CFAP54: variants seen among roughly 807,000 people sequenced by gnomAD.
CFAP54 encodes the protein cilia and flagella associated protein 54.
Under a neutral mutation model 370.4 loss-of-function variants are expected in CFAP54, and 290 were observed. The observed-to-expected ratio is 0.78, with a 90% CI of 0.71 to 0.86. The LOEUF (loss-of-function observed/expected upper bound fraction) is 0.86. CFAP54 is among the 40% of genes least tolerant of loss of function. The probability of loss-of-function intolerance (pLI) is 0.00; values close to 1 mark genes in which losing one functional copy is unlikely to be tolerated. For synonymous variants in CFAP54, 1,206 were observed against 1,236.5 expected, an observed-to-expected ratio of 0.98 and a Z score of 0.52; for missense variants, 3,399 against 3,528.7, an observed-to-expected ratio of 0.96 and a Z score of 0.93.
chr12:96,566,700 A>G (rs1436081408), intron 19 of CFAP54, among the ~76,000 whole-genome samples: 1 of 152,144 alleles, frequency 6.6e-6, no homozygotes, highest in Non-Finnish European at 1.5e-5. Flanking sequence ...GTTAGAAAGT[A>G]GAATACTGAA....
chr12:96,592,168 C>T (rs937482852), intron 23 of CFAP54, among the ~76,000 whole-genome samples: 1 of 152,010 alleles, frequency 6.6e-6, no homozygotes, highest in African/African-American at 2.4e-5. Context: ...AGTAAGTGAT[C>T]GTTGTCACAG....
At chr12:96,778,923 C>T (rs1958552796) in intron 60 of CFAP54, among the ~76,000 whole-genome samples, 1 of 152,030 alleles carries the variant, frequency 6.6e-6, no homozygotes, top group African/African-American at 2.4e-5. Context: ...ACCTGGCCAA[C>T]ATGGTGAAAC....
chr12:96,504,986 TTC>T (rs1565877522), intron 3 of CFAP54, among the ~76,000 whole-genome samples: 2 of 144,036 alleles, frequency 1.4e-5, no homozygotes, highest in Non-Finnish European at 3.0e-5. Context: ...CCTTTCTTTC[TTC>T]TTTCTTTTTC....
At chr12:96,805,470 T>G (rs1434288700) in intron 63 of CFAP54, among the ~76,000 whole-genome samples, 1 of 151,414 alleles carries the variant, frequency 6.6e-6, no homozygotes, top group African/African-American at 2.4e-5. Flanking sequence ...TCAACAAACA[T>G]GTAAAAAAGT....
chr12:96,741,350 A>G (rs1249467527), intron 51 of CFAP54, among the ~76,000 whole-genome samples: 3 of 152,130 alleles, frequency 2.0e-5, no homozygotes, highest in Non-Finnish European at 2.9e-5. Flanking sequence ...TATTTTTAGT[A>G]GAGAGTTTCA....
chr12:96,595,170 A>G lies in CFAP54; in HGVS notation c.3516+724A>G, dbSNP rs78534822. ...CCTTAGCTCCTAAAGGCCAACTACT[A>G]ATTCCTTGCCACATGGCCCTTCCAC... On this transcript the variant is annotated intron_variant, in intron 25 of 67. Coordinates refer to ENST00000524981, the MANE Select transcript of CFAP54 (RefSeq NM_001306084.2). Among the ~76,000 whole-genome samples the G allele has an allele frequency of 3.6e-3, 541 of 152,276 alleles. 3 individuals carry two copies. Among genetic ancestry groups the G allele is most frequent in the African/African-American group, 0.013 (520 of 41,564 alleles).
chr12:96,848,843 G>GTGTGAAAT (rs1486474162), intron 66 of CFAP54, among the ~76,000 whole-genome samples: 1 of 152,196 alleles, frequency 6.6e-6, no homozygotes, highest in African/African-American at 2.4e-5. Flanking sequence ...TCTTCACAAA[G>GTGTGAAAT]TGTGAAATTT....
At chr12:96,734,836 T>C (rs1957961069) in intron 50 of CFAP54, among the ~76,000 whole-genome samples, 1 of 152,158 alleles carries the variant, frequency 6.6e-6, no homozygotes, top group South Asian at 2.1e-4. Flanking sequence ...TTTTTATAAG[T>C]ACAATAACAA....
At chr12:96,533,996 C>T in intron 10 of CFAP54, 23 bp downstream of exon 10, 4 of 1,471,772 alleles carry the variant, frequency 2.7e-6, no homozygotes, top group Non-Finnish European at 3.6e-6. Context: ...AAATTATCCT[C>T]CTGGTTTTTT....
At chr12:96,585,231 G>C (rs1005112419) in intron 22 of CFAP54, among the ~76,000 whole-genome samples, 1 of 152,102 alleles carries the variant, frequency 6.6e-6, no homozygotes, top group Non-Finnish European at 1.5e-5. Flanking sequence ...TGCGATCTCA[G>C]CTTACTGCAA....
At chr12:96,657,502 A>G (rs1308426058) in intron 36 of CFAP54, among the ~76,000 whole-genome samples, 1 of 152,218 alleles carries the variant, frequency 6.6e-6, no homozygotes, top group Non-Finnish European at 1.5e-5. Context: ...AGAACGATAG[A>G]CAGTAATCTG....
intron 58 of CFAP54, among the ~76,000 whole-genome samples, chr12:96,761,356 A>C (rs1958334709): frequency 6.6e-6 from 1 of 152,042 alleles, no homozygotes; most frequent in African/African-American, 2.4e-5. Context: ...CTTTTTTAAA[A>C]ATATATGTAT....
At chr12:96,785,043 A>G (rs1483727810) in intron 61 of CFAP54, among the ~76,000 whole-genome samples, 153 bp downstream of exon 61, 1 of 152,212 alleles carries the variant, frequency 6.6e-6, no homozygotes, top group Non-Finnish European at 1.5e-5. Flanking sequence ...CCTGGGATAC[A>G]TGCATCTTTG....
chr12:96,801,616 T>C (rs183532043), intron 63 of CFAP54, among the ~76,000 whole-genome samples: 124 of 152,326 alleles, frequency 8.1e-4, no homozygotes, highest in Non-Finnish European at 1.4e-3. Context: ...GACTTTTAGC[T>C]TTATCCTGTC....
At chr12:96,664,775 A>C (rs1957054925) in intron 39 of CFAP54, among the ~76,000 whole-genome samples, 3 of 17,556 alleles carry the variant, frequency 1.7e-4, no homozygotes, top group Admixed American at 5.6e-4. Context: ...CTATATCTAT[A>C]TCTATATATA....
rs978789545 is a variant in CFAP54 at position 96,621,788 on chromosome 12, T to A, written c.3771+67T>A. On this transcript the variant is annotated intron_variant, in intron 27 of 67. Transcript: ENST00000524981. ...TGCATCTTTTAGGGGTAATGTAGTA[T>A]TATTAAACATATTAGAAAATTGGTA... 7.5e-6 allele frequency: 9 copies of A among 1,196,112 alleles called. No individual in the cohort carries two copies. The Admixed American group carries it at 2.2e-4, about 30-fold the overall frequency. 74.1% of individuals were successfully genotyped at this position (1,196,112 alleles called of 1,614,324 possible). A position where few individuals can be genotyped will look rare whatever the true frequency, so the allele number is the denominator to read the frequency against.
At chr12:96,551,908 G>C (rs1052383612) in intron 15 of CFAP54, among the ~76,000 whole-genome samples, 1 of 152,090 alleles carries the variant, frequency 6.6e-6, no homozygotes, top group Non-Finnish European at 1.5e-5. Flanking sequence ...TAGACAGATG[G>C]GTAAAAAAAG....
chr12:96,603,853 C>T (rs895771606), intron 26 of CFAP54, among the ~76,000 whole-genome samples: 7 of 152,280 alleles, frequency 4.6e-5, no homozygotes, highest in African/African-American at 9.6e-5. Flanking sequence ...GTTAGCCGTT[C>T]GTCTAACCTT....
chr12:96,833,898 A>G (rs1191380038), intron 66 of CFAP54, among the ~76,000 whole-genome samples: 1 of 152,224 alleles, frequency 6.6e-6, no homozygotes, highest in Non-Finnish European at 1.5e-5. Flanking sequence ...ATTTAATATG[A>G]CAAGAGCCCT....
Sources: gnomAD v4.1 joint callset for allele counts (sites outside exome capture counted in the v4.1 genomes callset) on GRCh38, gnomAD v4.1.1 for gene constraint, MANE v1.5 for transcripts, NCBI Gene and HGNC (gene_info 2026-07-23, HGNC 2026-07-21) for gene names.